The following RP1 variants were observed in gnomAD, a reference collection of about 807,000 sequenced individuals.
RP1 encodes RP1 axonemal microtubule associated.
A neutral mutation model predicts 14.8 loss-of-function variants in RP1; 16 were observed. That is an observed-to-expected ratio of 1.08 (90% CI 0.73 to 1.65). RP1 has a LOEUF of 1.65. RP1 is among the 40% of genes most tolerant of loss of function. The pLI, the probability that RP1 is intolerant of heterozygous loss-of-function variation, is 0.00. For missense variants in RP1, 2,631 were observed against 2,535.0 expected (o/e 1.04, Z -0.81); for synonymous variants, 876 against 883.6 (o/e 0.99, Z 0.15).
At chr8:54,635,810 G>A (rs1806336083), downstream of RP1, among the ~76,000 whole-genome samples, 1 of 152,166 alleles carries the variant, frequency 6.6e-6, no homozygotes, top group South Asian at 2.1e-4. Flanking sequence ...CCTTCAGGAG[G>A]GAAGAGGGGA....
chr8:54,789,580 C>T (rs1036666232), intron 24 of RP1, among the ~76,000 whole-genome samples: 2 of 152,192 alleles, frequency 1.3e-5, no homozygotes, highest in African/African-American at 4.8e-5. Context: ...TACCGTGAAG[C>T]CCAGTCTATG....
chr8:54,716,842 G>A (rs1448789296), intron 15 of RP1, among the ~76,000 whole-genome samples: 1 of 152,162 alleles, frequency 6.6e-6, no homozygotes, highest in Non-Finnish European at 1.5e-5. Flanking sequence ...CTAGTACTAT[G>A]CTAAACACTG....
chr8:54,719,968 G>A (rs1342319911), intron 15 of RP1, among the ~76,000 whole-genome samples: 1 of 152,150 alleles, frequency 6.6e-6, no homozygotes, highest in Non-Finnish European at 1.5e-5. Flanking sequence ...TGGATCTTGT[G>A]AAATAGGATG....
chr8:54,704,971 A>G (rs1808115633), intron 14 of RP1, among the ~76,000 whole-genome samples: 1 of 152,138 alleles, frequency 6.6e-6, no homozygotes, highest in Non-Finnish European at 1.5e-5. Flanking sequence ...TTATTTTCTT[A>G]GCTTAGAAAA....
exon 26 of RP1, chr8:54,852,648 C>T: frequency 8.1e-7 from 1 of 1,231,808 alleles, no homozygotes; most frequent in Non-Finnish European, 1.0e-6. Flanking sequence ...ATTTATCAAC[C>T]TCATCGGTAC....
chr8:54,641,014 T>C (rs530487892), intron 3 of RP1, among the ~76,000 whole-genome samples: 5 of 150,212 alleles, frequency 3.3e-5, no homozygotes, highest in Admixed American at 6.7e-5. Context: ...GGCTGGAGTG[T>C]AGTCACTGCT....
intron 7 of RP1, among the ~76,000 whole-genome samples, chr8:54,672,809 C>T (rs1332257451): frequency 6.6e-6 from 1 of 152,090 alleles, no homozygotes; most frequent in African/African-American, 2.4e-5. Flanking sequence ...TCCTTGAGGA[C>T]CCAACTAGTT....
At position 54,627,551 on chromosome 8, in the gene RP1, C is replaced by CA; in HGVS notation, c.3670dup (p.Ser1224LysfsTer2). 2 of 1,614,126 alleles carry CA rather than the reference C, an allele frequency of 1.2e-6. No individual in the cohort carries two copies. Among genetic ancestry groups the CA allele is most frequent in the Non-Finnish European group, 1.7e-6 (2 of 1,179,986 alleles). ...TCAACATTCAGAGTGTTCCTAAGTG[C>CA]AGTGAAAATGAAAGAACACAAGGAA... On this transcript the variant is annotated frameshift_variant, in exon 4 of 4. Transcript: ENST00000220676. LOFTEE classifies it low-confidence loss of function (END_TRUNC).
chr8:54,578,484 A>C (rs1359925134), intron 1 of RP1, among the ~76,000 whole-genome samples: 1 of 152,178 alleles, frequency 6.6e-6, no homozygotes, highest in Non-Finnish European at 1.5e-5. Flanking sequence ...CTAGGATTAT[A>C]GGTGTGAGCC....
chr8:54,800,050 TTC>T (rs79188692), intron 24 of RP1, among the ~76,000 whole-genome samples: 40,379 of 151,926 alleles, frequency 0.27, 6,297 homozygotes, highest in Middle Eastern at 0.47. Context: ...TTTCCTCAGT[TTC>T]TGTTTGTATG....
intron 15 of RP1, among the ~76,000 whole-genome samples, chr8:54,716,308 A>G (rs1808402639): frequency 6.6e-6 from 1 of 152,116 alleles, no homozygotes; most frequent in African/African-American, 2.4e-5. Flanking sequence ...GTTTCTATCT[A>G]GTTGAAAGAT....
intron 11 of RP1, chr8:54,679,776 A>T (rs405226): frequency 6.5e-7 from 1 of 1,532,926 alleles, no homozygotes; most frequent in Non-Finnish European, 8.7e-7. Flanking sequence ...TGGTGTTTTC[A>T]TTTGTTTTGC....
chr8:54,725,594 C>A (rs1808634752), intron 16 of RP1, among the ~76,000 whole-genome samples: 1 of 152,228 alleles, frequency 6.6e-6, no homozygotes, highest in South Asian at 2.1e-4. Context: ...TCGTTGACTG[C>A]AATTGTGGTA....
downstream of RP1, chr8:54,770,115 T>G: frequency 2.5e-6 from 1 of 401,438 alleles, no homozygotes; most frequent in Non-Finnish European, 4.4e-6. Context: ...TCACTTTTAT[T>G]TTTGCAGAAA....
intron 1 of RP1, among the ~76,000 whole-genome samples, chr8:54,585,997 C>T (rs997089795): frequency 2.0e-5 from 3 of 152,340 alleles, no homozygotes; most frequent in East Asian, 3.9e-4. Context: ...TCTCTCAACT[C>T]GTCAAAGTCA....
intron 23 of RP1, among the ~76,000 whole-genome samples, chr8:54,776,471 C>T (rs1810041860): frequency 6.6e-6 from 1 of 152,222 alleles, no homozygotes; most frequent in Admixed American, 6.5e-5. Flanking sequence ...ATGTGAGCTA[C>T]TATTCTTGGC....
intron 24 of RP1, among the ~76,000 whole-genome samples, chr8:54,824,034 T>G (rs1268049692): frequency 6.6e-6 from 1 of 152,210 alleles, no homozygotes; most frequent in Non-Finnish European, 1.5e-5. Context: ...ATTTCTCTAA[T>G]GCAAAACATC....
At chr8:54,664,940 A>G (rs1806983952) in intron 7 of RP1, among the ~76,000 whole-genome samples, 1 of 152,162 alleles carries the variant, frequency 6.6e-6, no homozygotes, top group African/African-American at 2.4e-5. Context: ...TCAGCATCAC[A>G]CAATATACCC....
chr8:54,696,807 A>G, intron 12 of RP1: 1 of 731,260 alleles, frequency 1.4e-6, no homozygotes, highest in Non-Finnish European at 2.5e-6. Context: ...GTGGAACGTT[A>G]TGTGACCTGC....
Sources: gnomAD v4.1 joint callset for allele counts (sites outside exome capture counted in the v4.1 genomes callset) on GRCh38, gnomAD v4.1.1 for gene constraint, MANE v1.5 for transcripts, NCBI Gene and HGNC (gene_info 2026-07-23, HGNC 2026-07-21) for gene names.